Variants in EPN2 observed in about 807,000 individuals in gnomAD.
EPN2 encodes epsin-2.
EPN2 carries 34 observed loss-of-function variants against 61.7 expected under a neutral mutation model. The observed-to-expected ratio is 0.55, with a 90% CI of 0.42 to 0.73. The LOEUF (loss-of-function observed/expected upper bound fraction) is 0.73, where lower values mean the gene tolerates loss of function less well. Ranked by LOEUF, EPN2 falls within the 30% of genes least tolerant of loss-of-function variation. The probability of loss-of-function intolerance (pLI) is 0.00; values close to 1 mark genes in which losing one functional copy is unlikely to be tolerated. For synonymous variants in EPN2, 349 were observed against 353.6 expected (o/e 0.99, Z 0.15); for missense variants, 714 against 839.2 (o/e 0.85, Z 1.84).
At chr17:19,263,576 C>T (rs181811438) in intron 1 of EPN2, among the ~76,000 whole-genome samples, 4 of 152,334 alleles carry the variant, frequency 2.6e-5, no homozygotes, top group Admixed American at 2.6e-4. Flanking sequence ...TCACAGGAGG[C>T]ATTGTGGCTG....
intron 4 of EPN2, among the ~76,000 whole-genome samples, chr17:19,288,173 C>G (rs2045424096): frequency 6.6e-6 from 1 of 152,178 alleles, no homozygotes; most frequent in African/African-American, 2.4e-5. Flanking sequence ...TCCTCCTGTT[C>G]CGGCGGAAGC....
At chr17:19,333,233 T>A (rs1226105768) in intron 10 of EPN2, among the ~76,000 whole-genome samples, 1 of 152,146 alleles carries the variant, frequency 6.6e-6, no homozygotes, top group Non-Finnish European at 1.5e-5. Flanking sequence ...TCTGTGTCTG[T>A]CAGCTCTTGG....
intron 1 of EPN2, among the ~76,000 whole-genome samples, chr17:19,275,348 G>C (rs1388654308): frequency 6.6e-6 from 1 of 152,250 alleles, no homozygotes; most frequent in African/African-American, 2.4e-5. Flanking sequence ...GTAGGTTACA[G>C]CATGAGAATT....
chr17:19,319,866 TCCAACTCCTGAC>T (rs1044304858), intron 7 of EPN2, among the ~76,000 whole-genome samples: 2 of 152,196 alleles, frequency 1.3e-5, no homozygotes, highest in Non-Finnish European at 2.9e-5. Flanking sequence ...CAGGCTGGTC[TCCAACTCCTGAC>T]CTTGATCCAC....
Position 19,334,223 on chromosome 17 carries a change from C to A in EPN2, c.1895C>A (p.Ala632Asp). The A allele has an allele frequency of 6.7e-7, 1 of 1,500,090 alleles. No individual in the cohort carries two copies. Among genetic ancestry groups the A allele is most frequent in the South Asian group, 1.3e-5 (1 of 74,874 alleles). The allele number at this position is 1,500,090 out of a possible 1,614,324, so 92.9% of individuals were successfully genotyped here. A position where few individuals can be genotyped will look rare whatever the true frequency, so the allele number is the denominator to read the frequency against. Residue 632 changes from alanine to aspartate, a missense_variant, in exon 11 of 11, where the codon GCC becomes GAC. Physicochemically the swap from Ala to Asp is moderately radical, Grantham distance 126 (BLOSUM62 -2). This residue lies in a region of EPN2 where 410 missense variants were observed against 421.8 expected (regional missense o/e 0.97). Transcript: ENST00000314728. This position sits in a 1 kb window ranked among gnomAD's most constrained non-coding sequence, Gnocchi z 4.9. ...SVGIPPSAAQ[A>D]TGTTNPFLL ...GGTATACCCCCATCAGCAGCCCAGG[C>A]CACTGGCACAACCAACCCTTTCCTT...
At chr17:19,316,446 T>A (rs3785780) in intron 7 of EPN2, among the ~76,000 whole-genome samples, 146,221 of 152,300 alleles carry the variant, frequency 0.96, 70,593 homozygotes, top group African/African-American at 0.99. Flanking sequence ...TTAATAGGTT[T>A]GGGACAGGCT....
At chr17:19,331,266 C>T (rs1907143475) in intron 9 of EPN2, among the ~76,000 whole-genome samples, 1 of 152,120 alleles carries the variant, frequency 6.6e-6, no homozygotes, top group Non-Finnish European at 1.5e-5. Flanking sequence ...GTGCTTATAA[C>T]CTTGTTCACA....
intron 1 of EPN2, among the ~76,000 whole-genome samples, chr17:19,255,848 C>T (rs892974244): frequency 6.6e-6 from 1 of 151,748 alleles, no homozygotes; most frequent in Non-Finnish European, 1.5e-5. Context: ...ATCTTGAACT[C>T]CTAGCTTTAA....
In EPN2 at chr17:19,278,467, C is replaced by T. The variant is rs116959081; in HGVS notation, c.-293-3488C>T. Reference sequence around the variant, plus strand: ...GAGGAAGAAGCAAAAATGCAAACCCCTGATAAACCCATCAGATCTCATGAG... The same window carrying T: ...GAGGAAGAAGCAAAAATGCAAACCCTTGATAAACCCATCAGATCTCATGAG... On this transcript the variant is annotated intron_variant, in intron 1 of 10. Transcript: ENST00000314728. Among the ~76,000 whole-genome samples, 993 of 152,238 alleles carry T rather than the reference C, an allele frequency of 6.5e-3. 53 individuals carry two copies. In the East Asian group the frequency reaches 0.12, roughly 18 times the overall value.
chr17:19,317,482 G>A (rs961881270), intron 7 of EPN2, among the ~76,000 whole-genome samples: 1 of 152,140 alleles, frequency 6.6e-6, no homozygotes, highest in Admixed American at 6.5e-5. Flanking sequence ...ACCTCTGCAC[G>A]GCTCAGTTCT....
chr17:19,315,515 G>A (rs1235289827), intron 7 of EPN2, among the ~76,000 whole-genome samples: 1 of 151,664 alleles, frequency 6.6e-6, no homozygotes, highest in African/African-American at 2.4e-5. Context: ...TTTTGAGACA[G>A]TCTCACTATT....
rs1474769326 is a variant in EPN2, at chr17:19,336,308, T to G, written c.*2054T>G. The G allele has an allele frequency of 2.6e-5, 4 of 152,438 alleles. No individual in the cohort carries two copies. The East Asian group carries it at 7.7e-4, about 29-fold the overall frequency. 9.4% of individuals were successfully genotyped at this position (152,438 alleles called of 1,614,324 possible). ...GCAGGATGCTTGCCCAGAAAGGTGC[T>G]TTCCTTCAGACGGTGCAGGGCCTGG... is the stretch of plus-strand genomic sequence containing the variant. On this transcript the variant is annotated 3_prime_UTR_variant, in exon 11 of 11. Transcript: ENST00000314728.
chr17:19,300,845 C>G (rs1905469367), intron 4 of EPN2, among the ~76,000 whole-genome samples: 1 of 152,172 alleles, frequency 6.6e-6, no homozygotes, highest in Non-Finnish European at 1.5e-5. Context: ...TCCCTGTGCG[C>G]CAAGGCCAGC....
chr17:19,300,051 G>A (rs1020272122), intron 4 of EPN2, among the ~76,000 whole-genome samples: 2 of 152,240 alleles, frequency 1.3e-5, no homozygotes, highest in East Asian at 3.8e-4. Flanking sequence ...ATTAGAACAT[G>A]CAGCTACAGG....
intron 1 of EPN2, among the ~76,000 whole-genome samples, chr17:19,244,627 AT>A (rs981518002): frequency 2.0e-5 from 3 of 151,874 alleles, no homozygotes; most frequent in East Asian, 3.9e-4. Context: ...TACAGTTCGA[AT>A]TTTTTTTCTT....
chr17:19,260,768 C>T (rs1239313867), intron 1 of EPN2, among the ~76,000 whole-genome samples: 1 of 152,082 alleles, frequency 6.6e-6, no homozygotes, highest in Non-Finnish European at 1.5e-5. Context: ...TGGTAACCAC[C>T]TGTAGCAGTT....
At chr17:19,273,823 C>A (rs929623488) in intron 1 of EPN2, among the ~76,000 whole-genome samples, 2 of 152,138 alleles carry the variant, frequency 1.3e-5, no homozygotes, top group Non-Finnish European at 2.9e-5. Context: ...GGATGAGCAA[C>A]AGTTATTAGG....
At chr17:19,268,915 CA>C (rs1465471473) in intron 1 of EPN2, among the ~76,000 whole-genome samples, 5 of 152,076 alleles carry the variant, frequency 3.3e-5, no homozygotes, top group African/African-American at 1.2e-4. Flanking sequence ...GTGTGTGATA[CA>C]ATTATGTTCT....
At chr17:19,258,406 C>T (rs1015816464) in intron 1 of EPN2, among the ~76,000 whole-genome samples, 9 of 152,192 alleles carry the variant, frequency 5.9e-5, no homozygotes, top group African/African-American at 1.7e-4. Context: ...TTTTAAGACT[C>T]TGCCTTCCTG....
Sources: allele counts gnomAD v4.1 joint callset (sites outside exome capture counted in the v4.1 genomes callset), GRCh38; gene constraint gnomAD v4.1.1; regional missense constraint gnomAD v4.1.1; non-coding constraint Gnocchi (gnomAD v3.1); transcripts MANE v1.5; gene names NCBI Gene and HGNC (gene_info 2026-07-23, HGNC 2026-07-21).